The following GTF3C1 variants were observed in gnomAD, a reference collection of about 807,000 sequenced individuals.
GTF3C1 encodes general transcription factor IIIC subunit 1, also known as general transcription factor 3C polypeptide 1.
GTF3C1 carries 57 observed loss-of-function variants against 226.7 expected under a neutral mutation model. That is an observed-to-expected ratio of 0.25 (90% CI 0.20 to 0.31). The LOEUF (loss-of-function observed/expected upper bound fraction) is 0.31. Ranked by LOEUF, GTF3C1 falls within the 10% of genes least tolerant of loss-of-function variation. The pLI, the probability that GTF3C1 is intolerant of heterozygous loss-of-function variation, is 1.00. For synonymous variants in GTF3C1, 1,090 were observed against 1,084.8 expected (o/e 1.00, Z -0.09); for missense variants, 2,217 against 2,776.1 (o/e 0.80, Z 4.53).
chr16:27,521,387 C>T (rs899114611), intron 6 of GTF3C1, among the ~76,000 whole-genome samples: 5 of 152,272 alleles, frequency 3.3e-5, no homozygotes. Context: ...CTGTTCCAGC[C>T]TGCTTCTCTT....
chr16:27,521,562 C>T (rs932985807), intron 6 of GTF3C1, among the ~76,000 whole-genome samples: 6 of 152,250 alleles, frequency 3.9e-5, no homozygotes, highest in African/African-American at 7.2e-5. Context: ...TGGCAAAGGG[C>T]GCTCCCCAGG....
At chr16:27,496,722 G>A (rs2088323250) in intron 14 of GTF3C1, among the ~76,000 whole-genome samples, 1 of 152,142 alleles carries the variant, frequency 6.6e-6, no homozygotes, top group Admixed American at 6.5e-5. Context: ...TCTTTTAAAG[G>A]GGCTTATTTC....
At position 27,464,452 on chromosome 16, in the gene GTF3C1, G is replaced by A; in HGVS notation, c.5740C>T (p.Pro1914Ser). The stretch of plus-strand genomic sequence containing the variant: ...GCTGCAGCGGTGTCTTCAAGAGCTG[G>A]GGGTGGAGATGGGGCCTGGGCTTCT... Reference protein sequence around the residue: ...GAEAQAPSPPPALEDTAAAGA... With the variant: ...GAEAQAPSPPSALEDTAAAGA... Residue 1914 changes from proline to serine, a missense_variant, in exon 34 of 37, where the codon CCA becomes TCA. By Grantham distance (74) the Pro-to-Ser change is moderately conservative. This residue lies in a region of GTF3C1 where 455 missense variants were observed against 441.9 expected (regional missense o/e 1.03). Coordinates refer to ENST00000356183, the MANE Select transcript of GTF3C1 (RefSeq NM_001520.4). 1.3e-6 allele frequency: 2 copies of A among 1,599,314 alleles called. No homozygotes were observed. The highest frequency in any genetic ancestry group is 2.3e-5 in the East Asian group (1 of 44,304).
Position 27,469,424 on chromosome 16 carries a change from C to T in GTF3C1, c.4941G>A (p.Leu1647=), listed in dbSNP as rs375173411. The T allele has an allele frequency of 1.7e-5, 27 of 1,614,038 alleles. No homozygotes were observed. Among genetic ancestry groups the T allele is most frequent in the Middle Eastern group, 1.6e-4 (1 of 6,084 alleles). ...PAQASHTNYL[L]MRGYYSPGIV... ...TGCCGGGGGAGTAGTAGCCCCTCAT[C>T]AGCAGGTAGTTGGTGTGGGAGGCTT... The change falls in exon 32 of 37, where the codon CTG becomes CTA. Residue 1647 remains leucine (L), a synonymous_variant. Coordinates refer to ENST00000356183, the MANE Select transcript of GTF3C1 (RefSeq NM_001520.4). This position sits in a 1 kb window ranked among gnomAD's most constrained non-coding sequence, Gnocchi z 4.5.
chr16:27,528,215 TA>T (rs2141437766), intron 6 of GTF3C1, among the ~76,000 whole-genome samples: 1 of 152,086 alleles, frequency 6.6e-6, no homozygotes, highest in African/African-American at 2.4e-5. Flanking sequence ...GCAGAGGTTG[TA>T]GTGAGCAGAG....
At chr16:27,511,227 G>A (rs2088566592) in intron 7 of GTF3C1, among the ~76,000 whole-genome samples, 1 of 152,202 alleles carries the variant, frequency 6.6e-6, no homozygotes, top group South Asian at 2.1e-4. Context: ...AGAACAAGAA[G>A]CCAGAGGAAG....
intron 10 of GTF3C1, among the ~76,000 whole-genome samples, chr16:27,504,468 C>T (rs576017997): frequency 6.3e-4 from 96 of 152,182 alleles, no homozygotes; most frequent in Non-Finnish European, 1.2e-3. Context: ...AAAAAATCAA[C>T]GCCACGCCCC....
chr16:27,489,779 T>C, intron 19 of GTF3C1, 36 bp from the exon 20 acceptor site: 1 of 1,597,032 alleles, frequency 6.3e-7, no homozygotes, highest in South Asian at 1.1e-5. Flanking sequence ...CAATCACGCC[T>C]TCCTGCTGCA....
intron 26 of GTF3C1, among the ~76,000 whole-genome samples, chr16:27,482,830 G>A (rs551440593): frequency 2.0e-5 from 3 of 152,342 alleles, no homozygotes; most frequent in Admixed American, 6.5e-5. Flanking sequence ...AAAGTGGCCT[G>A]TCAGATTCTA....
In GTF3C1 at chr16:27,463,602, G is replaced by A; in HGVS notation, c.5873-10C>T. 1 of 1,563,352 alleles carries A rather than the reference G, an allele frequency of 6.4e-7. No homozygotes were observed. The highest frequency in any genetic ancestry group is 8.8e-7 in the Non-Finnish European group (1 of 1,133,456). On this transcript the variant is annotated splice_polypyrimidine_tract_variant and intron_variant, in intron 34 of 36. Transcript: ENST00000356183. This position sits in a 1 kb window ranked among gnomAD's most constrained non-coding sequence, Gnocchi z 4.9. ...AAACTCTCTGTGAACCCTGAGGGAAGAGGAAGAGAATGTGAGAGACTCGGA... is the reference window on the plus strand; with the variant it reads ...AAACTCTCTGTGAACCCTGAGGGAAAAGGAAGAGAATGTGAGAGACTCGGA...
chr16:27,514,951 G>C (rs2088634608), intron 6 of GTF3C1, among the ~76,000 whole-genome samples: 1 of 152,126 alleles, frequency 6.6e-6, no homozygotes, highest in Admixed American at 6.5e-5. Context: ...CACAGCACTT[G>C]GGGGAGTCAG....
Position 27,503,994 on chromosome 16 carries a change from G to A in GTF3C1, c.1771-999C>T, listed in dbSNP as rs554552553. Among the ~76,000 whole-genome samples the A allele has an allele frequency of 2.6e-5, 4 of 152,320 alleles. No individual in the cohort carries two copies. The East Asian group carries it at 5.8e-4, about 22-fold the overall frequency. ...TTTGCTGAAGGGGGAAAGAATCAAA[G>A]ATTCAAGAAGAGTCCCAAGAGGGGC... On this transcript the variant is annotated intron_variant, in intron 10 of 36. Transcript: ENST00000356183.
At position 27,462,060 on chromosome 16, in the gene GTF3C1, C is replaced by G. The variant is rs2087713466; in HGVS notation, c.6117+234G>C. 1 of 560,178 alleles carries G rather than the reference C, an allele frequency of 1.8e-6. No homozygotes were observed. The highest frequency in any genetic ancestry group is 1.9e-5 in the African/African-American group (1 of 53,316). The allele number at this position is 560,178 out of a possible 1,614,324, so 34.7% of individuals were successfully genotyped here. ...TTAGTGACCCCTGGCACAGAGAAAG[C>G]ATCAGAGACAAGCACCCCGGGCACC... On this transcript the variant is annotated intron_variant, in intron 36 of 36. Coordinates refer to ENST00000356183, the MANE Select transcript of GTF3C1 (RefSeq NM_001520.4). The surrounding 1 kb of genome is among the most constrained non-coding windows in gnomAD (Gnocchi z 4.5).
At chr16:27,476,590 C>T in intron 28 of GTF3C1, 46 bp from the exon 29 acceptor site, 1 of 1,079,206 alleles carries the variant, frequency 9.3e-7, no homozygotes, top group African/African-American at 1.5e-5. Context: ...ACAGGCACTG[C>T]TCAGCTCAGG....
intron 4 of GTF3C1, among the ~76,000 whole-genome samples, chr16:27,536,468 G>A (rs1375257451): frequency 2.0e-5 from 3 of 152,160 alleles, no homozygotes; most frequent in Admixed American, 6.5e-5. Flanking sequence ...ATGGTGGCAG[G>A]TGCCTGTAGT....
At chr16:27,497,218 C>T (rs2088332883) in intron 14 of GTF3C1, among the ~76,000 whole-genome samples, 1 of 152,238 alleles carries the variant, frequency 6.6e-6, no homozygotes, top group African/African-American at 2.4e-5. Flanking sequence ...GGGAACCCAT[C>T]AGTGCTCCAA....
At chr16:27,524,336 TACAA>T (rs1218335519) in intron 6 of GTF3C1, among the ~76,000 whole-genome samples, 4 of 152,240 alleles carry the variant, frequency 2.6e-5, no homozygotes, top group Admixed American at 6.5e-5. Flanking sequence ...ACAAATTCAA[TACAA>T]ACAAACACTG....
chr16:27,549,036 C>T (rs903932171), intron 1 of GTF3C1, among the ~76,000 whole-genome samples: 3 of 152,138 alleles, frequency 2.0e-5, no homozygotes, highest in African/African-American at 7.2e-5. Flanking sequence ...TGCCTGTAAT[C>T]CCAGTTACTC....
chr16:27,513,152 T>C (rs1365966678), intron 6 of GTF3C1, among the ~76,000 whole-genome samples: 2 of 152,204 alleles, frequency 1.3e-5, no homozygotes, highest in Non-Finnish European at 2.9e-5. Context: ...GGGCTCAATG[T>C]AGTATCACAG....
Sources: gnomAD v4.1 joint callset for allele counts (sites outside exome capture counted in the v4.1 genomes callset) on GRCh38, gnomAD v4.1.1 for gene constraint, gnomAD v4.1.1 regional missense constraint, Gnocchi (gnomAD v3.1) non-coding constraint, MANE v1.5 for transcripts, NCBI Gene and HGNC (gene_info 2026-07-23, HGNC 2026-07-21) for gene names.